Variants in MAP3K20 observed in about 807,000 individuals in gnomAD.
MAP3K20 encodes mitogen-activated protein kinase kinase kinase 20.
MAP3K20 carries 40 observed loss-of-function variants against 85.7 expected under a neutral mutation model. The ratio of observed to expected loss-of-function variants is 0.47; its 90% CI spans 0.36 to 0.61. The LOEUF (loss-of-function observed/expected upper bound fraction) is 0.61, where lower values mean the gene tolerates loss of function less well. MAP3K20 is among the 20% of genes least tolerant of loss of function. MAP3K20 has a pLI of 0.00. For synonymous variants in MAP3K20, 325 were observed against 327.7 expected, an observed-to-expected ratio of 0.99 and a Z score of 0.09; for missense variants, 817 against 961.7, an observed-to-expected ratio of 0.85 and a Z score of 1.99.
intron 16 of MAP3K20, among the ~76,000 whole-genome samples, chr2:173,253,001 T>G (rs1047057618): frequency 6.6e-6 from 1 of 152,232 alleles, no homozygotes; most frequent in Non-Finnish European, 1.5e-5. Flanking sequence ...GTTATGTTGC[T>G]GCTTGGCTGC....
At chr2:173,125,520 T>TTA (rs1553566525) in intron 2 of MAP3K20, among the ~76,000 whole-genome samples, 1 of 152,036 alleles carries the variant, frequency 6.6e-6, no homozygotes, top group Non-Finnish European at 1.5e-5. Context: ...GTTTTTTTTT[T>TTA]AAATAAAACT....
rs1684730261 is a variant in MAP3K20 at position 173,239,414 on chromosome 2, G to A, written c.1277G>A (p.Gly426Asp). 2 of 1,612,880 alleles carry A rather than the reference G, an allele frequency of 1.2e-6. No individual in the cohort carries two copies. Among genetic ancestry groups the A allele is most frequent in the Admixed American group, 1.7e-5 (1 of 59,688 alleles). Residue 426 changes from glycine (G) to aspartate (D), a missense_variant, in exon 16 of 20, where the codon GGT becomes GAT. Gly to Asp is a moderately conservative substitution (Grantham distance 94). Around this residue, in one of 4 missense-constraint regions of MAP3K20, gnomAD observed 454 missense variants for 476.9 expected, o/e 0.95. Coordinates refer to ENST00000375213, the MANE Select transcript of MAP3K20 (RefSeq NM_016653.3). ...HFPPLIKDSG[G>D]EPEENEEKIV... is the part of the protein sequence containing the mutation. Reference sequence around the variant, plus strand: ...GGTTTCCTGTTTTAGGACTCAGGAGGTGAACCTGAAGAAAATGAGGAAAAA... The same window carrying A: ...GGTTTCCTGTTTTAGGACTCAGGAGATGAACCTGAAGAAAATGAGGAAAAA...
chr2:173,214,297 A>G (rs1180124911), intron 10 of MAP3K20: 1 of 152,186 alleles, frequency 6.6e-6, no homozygotes, highest in Non-Finnish European at 1.5e-5. Flanking sequence ...AATGGCAATG[A>G]GCATTAAGAA....
chr2:173,253,927 C>T (rs1016837836), intron 16 of MAP3K20, among the ~76,000 whole-genome samples: 5 of 151,822 alleles, frequency 3.3e-5, no homozygotes, highest in South Asian at 4.2e-4. Context: ...CGAAATTAGC[C>T]GGGCATGGTG....
At chr2:173,121,351 A>C (rs1688280869) in intron 2 of MAP3K20, among the ~76,000 whole-genome samples, 1 of 152,152 alleles carries the variant, frequency 6.6e-6, no homozygotes, top group Admixed American at 6.5e-5. Flanking sequence ...GAGGCAACTG[A>C]TGAAGATATT....
chr2:173,078,144 G>C (rs560606203), intron 1 of MAP3K20, among the ~76,000 whole-genome samples: 5 of 152,338 alleles, frequency 3.3e-5, no homozygotes, highest in Non-Finnish European at 7.3e-5. Flanking sequence ...GTTTATTTTA[G>C]AAAGTGGTAG....
Position 173,080,086 on chromosome 2 carries a change from G to A in MAP3K20, c.-35+4084G>A, listed in dbSNP as rs566389388. Among the ~76,000 whole-genome samples, 94 of 152,274 alleles carry A rather than the reference G, an allele frequency of 6.2e-4. 1 individual carries two copies. Among genetic ancestry groups the A allele is most frequent in the African/African-American group, 2.1e-3 (89 of 41,550 alleles). On this transcript the variant is annotated intron_variant, in intron 1 of 19. Coordinates refer to ENST00000375213, the MANE Select transcript of MAP3K20 (RefSeq NM_016653.3). ...GCATCACCACAAACACATGAGTAAT[G>A]CATTGTGCTATGATGTTAGGAAACT...
At chr2:173,247,626 C>G (rs1031939198) in intron 16 of MAP3K20, among the ~76,000 whole-genome samples, 4 of 152,132 alleles carry the variant, frequency 2.6e-5, no homozygotes, top group East Asian at 1.9e-4. Flanking sequence ...ATCTACTGTA[C>G]AGCATAGTAT....
chr2:173,241,739 C>CA (rs1271191490), intron 16 of MAP3K20, among the ~76,000 whole-genome samples: 2 of 152,146 alleles, frequency 1.3e-5, no homozygotes, highest in Non-Finnish European at 2.9e-5. Context: ...TTGCCTGCAC[C>CA]ACTGCAGTTA....
chr2:173,131,776 C>T (rs1008189484), intron 2 of MAP3K20, among the ~76,000 whole-genome samples: 4 of 152,028 alleles, frequency 2.6e-5, no homozygotes, highest in Admixed American at 6.6e-5. Context: ...CTCAGGTTGC[C>T]TTGGGGTTGA....
chr2:173,217,706 C>T (rs2106315940), intron 11 of MAP3K20, among the ~76,000 whole-genome samples: 1 of 152,230 alleles, frequency 6.6e-6, no homozygotes, highest in East Asian at 1.9e-4. Context: ...TGGAGCTAAC[C>T]ATGATGACAT....
intron 17 of MAP3K20, among the ~76,000 whole-genome samples, chr2:173,260,177 G>A (rs1685255345): frequency 6.6e-6 from 1 of 152,198 alleles, no homozygotes; most frequent in Non-Finnish European, 1.5e-5. Flanking sequence ...GACCAGCCTA[G>A]ACAACATGGT....
At chr2:173,110,050 T>C (rs1559234775) in intron 2 of MAP3K20, among the ~76,000 whole-genome samples, 1 of 151,286 alleles carries the variant, frequency 6.6e-6, no homozygotes, top group African/African-American at 2.4e-5. Context: ...AAGGAATGTT[T>C]AATGATCCTC....
At chr2:173,163,573 A>G (rs908595625) in intron 2 of MAP3K20, among the ~76,000 whole-genome samples, 1 of 152,096 alleles carries the variant, frequency 6.6e-6, no homozygotes, top group Non-Finnish European at 1.5e-5. Context: ...TGTTTCTGCA[A>G]AGGACATGAT....
chr2:173,077,475 G>A (rs1436645073), intron 1 of MAP3K20, among the ~76,000 whole-genome samples: 1 of 151,792 alleles, frequency 6.6e-6, no homozygotes, highest in African/African-American at 2.4e-5. Context: ...TATAGTGAGA[G>A]ATTTAGGAGA....
chr2:173,076,060 G>T (rs1686844356), intron 1 of MAP3K20, 58 bp downstream of exon 1: 3 of 973,274 alleles, frequency 3.1e-6, no homozygotes, highest in Admixed American at 6.2e-5. Flanking sequence ...GGCCCGCCGC[G>T]CTCGCGAGTC....
intron 18 of MAP3K20, 81 bp downstream of exon 18, chr2:173,261,218 T>C (rs1685284706): frequency 6.9e-7 from 1 of 1,446,054 alleles, no homozygotes; most frequent in Non-Finnish European, 9.6e-7. Context: ...GAGCATATAA[T>C]TTATTGGGAG....
chr2:173,212,381 G>A, intron 10 of MAP3K20: 1 of 152,214 alleles, frequency 6.6e-6, no homozygotes, highest in South Asian at 2.1e-4. Flanking sequence ...ATGTCTGAGA[G>A]CATATGGCCA....
intron 7 of MAP3K20, among the ~76,000 whole-genome samples, chr2:173,197,172 G>A (rs771082637): frequency 1.2e-4 from 18 of 152,058 alleles, no homozygotes; most frequent in Non-Finnish European, 2.2e-4. Context: ...TCACATTTTT[G>A]AACTCCATTT....
Sources: gnomAD v4.1 joint callset for allele counts (sites outside exome capture counted in the v4.1 genomes callset) on GRCh38, gnomAD v4.1.1 for gene constraint, gnomAD v4.1.1 regional missense constraint, MANE v1.5 for transcripts, NCBI Gene and HGNC (gene_info 2026-07-23, HGNC 2026-07-21) for gene names.